Variants in SUGCT observed in about 807,000 individuals in gnomAD.
The protein encoded by SUGCT is succinyl-CoA:glutarate CoA-transferase.
A neutral mutation model predicts 55.0 loss-of-function variants in SUGCT; 41 were observed. The ratio of observed to expected loss-of-function variants is 0.74; its 90% CI spans 0.58 to 0.97. SUGCT has a LOEUF of 0.97. Ranked by LOEUF, SUGCT falls within the 50% of genes least tolerant of loss-of-function variation. The probability of loss-of-function intolerance (pLI) is 0.00; values close to 1 mark genes in which losing one functional copy is unlikely to be tolerated. For missense variants in SUGCT, 568 were observed against 547.8 expected (o/e 1.04, Z -0.37); for synonymous variants, 187 against 200.4 (o/e 0.93, Z 0.56).
chr7:40,712,116 T>C (rs991601598), intron 12 of SUGCT, among the ~76,000 whole-genome samples: 5 of 152,262 alleles, frequency 3.3e-5, no homozygotes, highest in African/African-American at 1.2e-4. Context: ...TTCTATAGTA[T>C]GTAGACTGCA....
chr7:40,361,277 A>T (rs1798139652), intron 9 of SUGCT, among the ~76,000 whole-genome samples: 1 of 152,064 alleles, frequency 6.6e-6, no homozygotes. Flanking sequence ...TCAGCCCTCA[A>T]AAAGAGAGAA....
At chr7:40,975,145 C>A in the SUGCT span, among the ~76,000 whole-genome samples, 1 of 152,144 alleles carries the variant, frequency 6.6e-6, no homozygotes, top group African/African-American at 2.4e-5. Flanking sequence ...TATCTTCTGT[C>A]TTTCCAAAAA....
intron 12 of SUGCT, among the ~76,000 whole-genome samples, chr7:40,680,590 C>T (rs1251390452): frequency 6.6e-6 from 1 of 152,164 alleles, no homozygotes; most frequent in Non-Finnish European, 1.5e-5. Flanking sequence ...CTCACCTCCC[C>T]ACCCAAGGAT....
chr7:40,902,280 T>A, the SUGCT span, among the ~76,000 whole-genome samples: 2 of 152,090 alleles, frequency 1.3e-5, no homozygotes, highest in African/African-American at 4.8e-5. Context: ...TATTTTTCAA[T>A]TAAAAAAATC....
At chr7:40,415,601 C>A (rs1372408453) in intron 9 of SUGCT, among the ~76,000 whole-genome samples, 1 of 151,760 alleles carries the variant, frequency 6.6e-6, no homozygotes, top group Non-Finnish European at 1.5e-5. Context: ...AAAGTCTCCC[C>A]CAAAATTTAT....
At chr7:40,955,696 C>G in the SUGCT span, among the ~76,000 whole-genome samples, 3 of 152,090 alleles carry the variant, frequency 2.0e-5, no homozygotes, top group African/African-American at 7.2e-5. Context: ...AGAGGGCATC[C>G]TTGTCTTATG....
chr7:40,417,744 A>C (rs1380085578), intron 9 of SUGCT, among the ~76,000 whole-genome samples: 1 of 151,458 alleles, frequency 6.6e-6, no homozygotes, highest in Non-Finnish European at 1.5e-5. Flanking sequence ...TAATTATATT[A>C]TTAAATTTTT....
At chr7:40,410,040 C>G (rs1165397158) in intron 9 of SUGCT, among the ~76,000 whole-genome samples, 3 of 152,040 alleles carry the variant, frequency 2.0e-5, no homozygotes, top group African/African-American at 7.2e-5. Context: ...TGGGTAGAAT[C>G]TTTGCCCCTT....
chr7:40,798,941 T>G (rs1401069657), intron 13 of SUGCT, among the ~76,000 whole-genome samples: 1 of 152,186 alleles, frequency 6.6e-6, no homozygotes, highest in Non-Finnish European at 1.5e-5. Flanking sequence ...CATTTCTCAT[T>G]ACAAGCTAAA....
intron 11 of SUGCT, among the ~76,000 whole-genome samples, chr7:40,474,952 C>T (rs1347181932): frequency 2.0e-5 from 3 of 152,166 alleles, no homozygotes; most frequent in African/African-American, 7.2e-5. Context: ...TTGTAGGGGT[C>T]TGCCAGGGCA....
chr7:40,595,339 T>A (rs1235688648), intron 12 of SUGCT, among the ~76,000 whole-genome samples: 2 of 152,182 alleles, frequency 1.3e-5, no homozygotes, highest in Non-Finnish European at 2.9e-5. Context: ...TCAGGAAGTG[T>A]ATTGTGCTTC....
the SUGCT span, among the ~76,000 whole-genome samples, chr7:40,900,040 C>T: frequency 6.6e-6 from 1 of 152,130 alleles, no homozygotes; most frequent in East Asian, 1.9e-4. Context: ...CAAGGACCCC[C>T]ACCTCCTTCA....
chr7:40,583,109 G>A (rs993959333), intron 12 of SUGCT, among the ~76,000 whole-genome samples: 3 of 152,114 alleles, frequency 2.0e-5, no homozygotes, highest in African/African-American at 7.2e-5. Flanking sequence ...GCTGGTATTG[G>A]AAGCTAGTTG....
chr7:40,689,766 G>A (rs1784610175), intron 12 of SUGCT, among the ~76,000 whole-genome samples: 1 of 150,598 alleles, frequency 6.6e-6, no homozygotes, highest in African/African-American at 2.4e-5. Flanking sequence ...AGGGGGTGGG[G>A]TGGATGGATT....
chr7:40,957,134 C>T, the SUGCT span, among the ~76,000 whole-genome samples: 1 of 152,160 alleles, frequency 6.6e-6, no homozygotes, highest in Non-Finnish European at 1.5e-5. Flanking sequence ...TCTATTAGGT[C>T]CACTTGGTCC....
intron 8 of SUGCT, among the ~76,000 whole-genome samples, chr7:40,284,223 A>G (rs1295401240): frequency 1.3e-5 from 2 of 152,138 alleles, no homozygotes; most frequent in Admixed American, 6.6e-5. Flanking sequence ...CTGGAGATCT[A>G]TTGTACAGCA....
At chr7:40,743,060 T>C (rs1039057609) in intron 12 of SUGCT, among the ~76,000 whole-genome samples, 1 of 152,208 alleles carries the variant, frequency 6.6e-6, no homozygotes, top group African/African-American at 2.4e-5. Flanking sequence ...CATGCCCATG[T>C]TTTTTGGCTT....
chr7:40,160,119 C>G (rs1784075692), intron 1 of SUGCT, among the ~76,000 whole-genome samples: 1 of 152,146 alleles, frequency 6.6e-6, no homozygotes, highest in South Asian at 2.1e-4. Context: ...AACCTTAGCT[C>G]TGTATACAAC....
At chr7:40,386,650 T>C (rs1377843420) in intron 9 of SUGCT, among the ~76,000 whole-genome samples, 8 of 152,140 alleles carry the variant, frequency 5.3e-5, no homozygotes, top group Non-Finnish European at 1.0e-4. Context: ...TTTCCAAAGT[T>C]CCTTAGTTGA....
Sources: allele counts gnomAD v4.1 joint callset (sites outside exome capture counted in the v4.1 genomes callset), GRCh38; gene constraint gnomAD v4.1.1; transcripts MANE v1.5; gene names NCBI Gene and HGNC (gene_info 2026-07-23, HGNC 2026-07-21).